The following HCLS1 variants were observed in gnomAD, a reference collection of about 807,000 sequenced individuals.
HCLS1 encodes the protein hematopoietic lineage cell-specific protein.
HCLS1 carries 44 observed loss-of-function variants against 68.6 expected under a neutral mutation model. That is an observed-to-expected ratio of 0.64 (90% CI 0.50 to 0.82). The LOEUF is 0.82. Ranked by LOEUF, HCLS1 falls within the 40% of genes least tolerant of loss-of-function variation. The probability of loss-of-function intolerance (pLI) is 0.00; values close to 1 mark genes in which losing one functional copy is unlikely to be tolerated. For synonymous variants in HCLS1, 217 were observed against 225.8 expected (o/e 0.96, Z 0.35); for missense variants, 602 against 612.1 (o/e 0.98, Z 0.17).
chr3:121,637,001 C>T (rs2049156129), intron 7 of HCLS1, 145 bp downstream of exon 7: 3 of 643,676 alleles, frequency 4.7e-6, no homozygotes, highest in East Asian at 2.7e-5. Context: ...CACCACCTGT[C>T]CCCACACATG....
chr3:121,646,164 T>C (rs1382563209), intron 4 of HCLS1, among the ~76,000 whole-genome samples: 4 of 105,356 alleles, frequency 3.8e-5, no homozygotes, highest in Non-Finnish European at 6.9e-5. Flanking sequence ...ATATAATATA[T>C]CTTATAATTA....
intron 6 of HCLS1, among the ~76,000 whole-genome samples, chr3:121,640,964 A>C (rs188594899): frequency 5.3e-4 from 80 of 152,286 alleles, no homozygotes; most frequent in African/African-American, 8.9e-4. Flanking sequence ...AGCTAAAGGA[A>C]GAATTAGTGA....
At chr3:121,636,626 C>T in intron 7 of HCLS1, 137 bp from the exon 8 acceptor site, 4 of 695,090 alleles carry the variant, frequency 5.8e-6, no homozygotes, top group Non-Finnish European at 1.0e-5. Context: ...TAGAGGGAGG[C>T]ATGGATGGGA....
At chr3:121,646,224 T>C (rs1359032256) in intron 4 of HCLS1, among the ~76,000 whole-genome samples, 1 of 108,740 alleles carries the variant, frequency 9.2e-6, no homozygotes, top group Non-Finnish European at 1.6e-5. Flanking sequence ...TTATATATTT[T>C]ATATATTTAT....
intron 11 of HCLS1, 87 bp downstream of exon 11, chr3:121,632,980 C>A (rs996743001): frequency 4.3e-5 from 37 of 869,592 alleles, no homozygotes; most frequent in Non-Finnish European, 6.3e-5. Flanking sequence ...CAAGGCAAAC[C>A]AGGATGGTTG....
chr3:121,647,508 C>T, intron 3 of HCLS1, 60 bp from the exon 4 acceptor site: 1 of 1,590,422 alleles, frequency 6.3e-7, no homozygotes, highest in South Asian at 1.1e-5. Context: ...AACCCATCTT[C>T]CCAGAAAAAT....
intron 9 of HCLS1, among the ~76,000 whole-genome samples, chr3:121,635,237 T>TTCTCTCTCTCTCTCTCTCTCTCTCTCTC (rs201290743): frequency 3.5e-5 from 4 of 114,340 alleles, no homozygotes; most frequent in Non-Finnish European, 5.1e-5. Context: ...TCTCTCCCTT[T>TTCTCTCTCTCTCTCTCTCTCTCTCTCTC]TCTCTCTCTC....
At chr3:121,652,237 A>C (rs577744618) in intron 3 of HCLS1, among the ~76,000 whole-genome samples, 1 of 152,336 alleles carries the variant, frequency 6.6e-6, no homozygotes, top group African/African-American at 2.4e-5. Context: ...GACTGCAAAG[A>C]GGTGCAGGGA....
intron 11 of HCLS1, among the ~76,000 whole-genome samples, 182 bp from the exon 12 acceptor site, chr3:121,632,745 C>A (rs1271159265): frequency 6.6e-6 from 1 of 151,750 alleles, no homozygotes. Context: ...TCTCCTCCCA[C>A]ACCCACCCAC....
rs750533010 is a variant in HCLS1 at position 121,642,930 on chromosome 3, T to C, written c.451A>G (p.Lys151Glu). 5.6e-6 allele frequency: 9 copies of C among 1,612,304 alleles called. No homozygotes were observed. The East Asian group carries it at 1.8e-4, about 32-fold the overall frequency. The change falls in exon 6 of 14, where the codon AAA becomes GAA. Residue 151 changes from lysine (K) to glutamate (E), a missense_variant. Transcript: ENST00000314583. The stretch of plus-strand genomic sequence containing the variant: ...GAGTGAAGTACAGTGTCCTTGCCTT[T>C]CTGAGATGTGTGCTTCTCCACTTCT... Reference protein sequence around the residue: ...KGEVEKHTSQKDYSRGFGGRY... With the variant: ...KGEVEKHTSQEDYSRGFGGRY...
At chr3:121,646,567 T>C (rs1174988227) in intron 4 of HCLS1, among the ~76,000 whole-genome samples, 1 of 109,892 alleles carries the variant, frequency 9.1e-6, no homozygotes. Context: ...AATATATATT[T>C]ATTACATATA....
chr3:121,633,221 C>CTT lies in HCLS1; in HGVS notation c.904-52_904-51dup, dbSNP rs58527943. 2,327 of 972,622 alleles carry CTT rather than the reference C, an allele frequency of 2.4e-3. 1 individual carries two copies. The highest frequency in any genetic ancestry group is 3.2e-3 in the South Asian group (189 of 59,360). The allele number at this position is 972,622 out of a possible 1,614,324, so 60.2% of individuals were successfully genotyped here. On this transcript the variant is annotated intron_variant, in intron 10 of 13. Coordinates refer to ENST00000314583, the MANE Select transcript of HCLS1 (RefSeq NM_005335.6). Reference sequence around the variant, plus strand: ...AGTAAGCAAGCCTCCATCTTCACTCCTTTTTTTTTTTTGAGATAGACTCTC... The same window carrying CTT: ...AGTAAGCAAGCCTCCATCTTCACTCCTTTTTTTTTTTTTTGAGATAGACTCTC...
chr3:121,643,965 A>G (rs376931694), intron 5 of HCLS1: 1 of 152,412 alleles, frequency 6.6e-6, no homozygotes, highest in Non-Finnish European at 1.5e-5. Flanking sequence ...AACTTTCCTG[A>G]TTTTGTTTTT....
chr3:121,646,378 T>TAATTAC (rs1937605062), intron 4 of HCLS1, among the ~76,000 whole-genome samples: 1 of 49,574 alleles, frequency 2.0e-5, no homozygotes, highest in Admixed American at 5.0e-4. Flanking sequence ...ATATTATTAC[T>TAATTAC]ATGTAATATA....
Position 121,647,424 on chromosome 3 carries a change from T to A in HCLS1, c.183A>T (p.Val61=), listed in dbSNP as rs267599568. 5 of 1,614,034 alleles carry A rather than the reference T, an allele frequency of 3.1e-6. No homozygotes were observed. The highest frequency in any genetic ancestry group is 2.7e-5 in the African/African-American group (2 of 74,930). The change falls in exon 4 of 14, where the codon GTA becomes GTT. Residue 61 remains valine (V), a synonymous_variant. Transcript: ENST00000314583. The part of the protein sequence containing the change: ...HINIHQLRNK[V]SEEHDVLRKK... ...TCCTGAGAACATCATGCTCCTCTGA[T>A]ACTTTGTTCCTCAGCTGGTGGATGC...
chr3:121,653,974 T>TCTTTTC (rs1937807318), intron 3 of HCLS1: 1 of 152,222 alleles, frequency 6.6e-6, no homozygotes, highest in African/African-American at 2.4e-5. Context: ...GTGATTTTAT[T>TCTTTTC]CTTTTTCTTT....
At chr3:121,645,904 A>G (rs896652693) in intron 4 of HCLS1, among the ~76,000 whole-genome samples, 2 of 143,514 alleles carry the variant, frequency 1.4e-5, no homozygotes, top group Admixed American at 1.4e-4. Context: ...AATATGTTAT[A>G]TCATATAATT....
chr3:121,636,038 T>A (rs559556572), intron 8 of HCLS1, among the ~76,000 whole-genome samples: 2 of 152,266 alleles, frequency 1.3e-5, no homozygotes, highest in East Asian at 3.9e-4. Context: ...ATCTCACATC[T>A]CCAAGCCCAG....
At chr3:121,642,851 C>T in intron 6 of HCLS1, 76 bp downstream of exon 6, 1 of 1,129,074 alleles carries the variant, frequency 8.9e-7, no homozygotes, top group East Asian at 2.4e-5. Flanking sequence ...CTGATGACAA[C>T]TGCTGGAAGA....
Sources: allele counts gnomAD v4.1 joint callset (sites outside exome capture counted in the v4.1 genomes callset), GRCh38; gene constraint gnomAD v4.1.1; transcripts MANE v1.5; gene names NCBI Gene and HGNC (gene_info 2026-07-23, HGNC 2026-07-21).